The following CPQ variants were observed in gnomAD, a reference collection of about 807,000 sequenced individuals.
The protein encoded by CPQ is Ser-Met dipeptidase.
Under a neutral mutation model 45.7 loss-of-function variants are expected in CPQ, and 37 were observed. That is an observed-to-expected ratio of 0.81 (90% CI 0.62 to 1.07). CPQ has a LOEUF of 1.07. Ranked by LOEUF, CPQ falls within the 50% of genes least tolerant of loss-of-function variation. The probability of loss-of-function intolerance (pLI) is 0.00; values close to 1 mark genes in which losing one functional copy is unlikely to be tolerated. For synonymous variants in CPQ, 186 were observed against 205.8 expected (o/e 0.90, Z 0.82); for missense variants, 537 against 572.9 (o/e 0.94, Z 0.64).
intron 1 of CPQ, among the ~76,000 whole-genome samples, chr8:96,750,492 A>G (rs1810243525): frequency 6.6e-6 from 1 of 151,832 alleles, no homozygotes; most frequent in Non-Finnish European, 1.5e-5. Context: ...TTGGTAGTGT[A>G]GGTTTTATTG....
intron 1 of CPQ, among the ~76,000 whole-genome samples, chr8:96,672,950 A>G (rs1187872109): frequency 6.6e-6 from 1 of 152,140 alleles, no homozygotes; most frequent in Non-Finnish European, 1.5e-5. Flanking sequence ...CCCAAATAGC[A>G]AACATTTTCA....
chr8:96,791,286 T>G (rs1047919055), intron 2 of CPQ, among the ~76,000 whole-genome samples: 3 of 152,200 alleles, frequency 2.0e-5, no homozygotes, highest in Admixed American at 6.6e-5. Flanking sequence ...ATTTATAAGA[T>G]TACTATTTTT....
At chr8:96,675,028 G>A (rs1563698910) in intron 1 of CPQ, among the ~76,000 whole-genome samples, 1 of 151,992 alleles carries the variant, frequency 6.6e-6, no homozygotes, top group Non-Finnish European at 1.5e-5. Context: ...TGGCAGAATA[G>A]ACACTAAGTG....
At chr8:96,707,707 T>C (rs1405881772) in intron 1 of CPQ, among the ~76,000 whole-genome samples, 1 of 152,058 alleles carries the variant, frequency 6.6e-6, no homozygotes, top group Non-Finnish European at 1.5e-5. Flanking sequence ...TTTTTTTGGC[T>C]TAGGACAACA....
chr8:96,715,876 T>C (rs1161982217), intron 1 of CPQ, among the ~76,000 whole-genome samples: 1 of 152,186 alleles, frequency 6.6e-6, no homozygotes, highest in Non-Finnish European at 1.5e-5. Context: ...GCTGTCACAC[T>C]CCAAGCTGGT....
chr8:97,060,592 G>T (rs1810534077), intron 6 of CPQ, among the ~76,000 whole-genome samples: 1 of 152,140 alleles, frequency 6.6e-6, no homozygotes, highest in Admixed American at 6.6e-5. Context: ...TCATTGAGCT[G>T]CTCAGCCTCC....
intron 4 of CPQ, among the ~76,000 whole-genome samples, chr8:96,891,766 G>A (rs548788903): frequency 9.9e-5 from 15 of 152,210 alleles, no homozygotes; most frequent in African/African-American, 3.1e-4. Flanking sequence ...ATAGCTGCAT[G>A]GTAAGATGGG....
At chr8:96,679,755 C>T (rs112939563) in intron 1 of CPQ, among the ~76,000 whole-genome samples, 3,632 of 151,166 alleles carry the variant, frequency 0.024, 156 homozygotes, top group African/African-American at 0.083. Context: ...GTACCAGTTG[C>T]AATGTCTCCT....
intron 7 of CPQ, among the ~76,000 whole-genome samples, chr8:97,077,452 G>C (rs1810868989): frequency 6.6e-6 from 1 of 152,304 alleles, no homozygotes; most frequent in Admixed American, 6.5e-5. Flanking sequence ...CAGTAGTACA[G>C]TATGTACTAC....
intron 2 of CPQ, among the ~76,000 whole-genome samples, chr8:96,808,706 T>C (rs1196392133): frequency 6.6e-6 from 1 of 152,156 alleles, no homozygotes; most frequent in Non-Finnish European, 1.5e-5. Context: ...CTCCAGAAGT[T>C]CTAGGTAGGA....
In CPQ at chr8:96,988,509, T is replaced by G. The variant is rs558174463; in HGVS notation, c.961+22463T>G. 2.0e-5 allele frequency among the ~76,000 whole-genome samples: 3 copies of G among 152,350 alleles called. No homozygotes were observed. The East Asian group carries it at 5.8e-4, about 29-fold the overall frequency. On this transcript the variant is annotated intron_variant, in intron 5 of 7. Coordinates refer to ENST00000220763, the MANE Select transcript of CPQ (RefSeq NM_016134.4). ...TTTCTCTCTCCCTTTGATTTATTGCTTGGAAACCATGAGAAACATCCAAGT... is the reference window on the plus strand; with the variant it reads ...TTTCTCTCTCCCTTTGATTTATTGCGTGGAAACCATGAGAAACATCCAAGT...
chr8:96,986,884 G>C lies in CPQ; in HGVS notation c.961+20838G>C, dbSNP rs922604012. On this transcript the variant is annotated intron_variant, in intron 5 of 7. Coordinates refer to ENST00000220763, the MANE Select transcript of CPQ (RefSeq NM_016134.4). ...AGAAAAAGGCATTAAGTGAGGGATA[G>C]GTATATTAATGAATATACTTAGAGT... Among the ~76,000 whole-genome samples the C allele has an allele frequency of 2.0e-5, 3 of 152,258 alleles. No individual in the cohort carries two copies. The South Asian group carries it at 6.2e-4, about 32-fold the overall frequency.
intron 1 of CPQ, among the ~76,000 whole-genome samples, chr8:96,678,758 C>CTTTTTTTTTTTTTTTTTTTTTTTTT (rs71267274): frequency 8.7e-6 from 1 of 114,878 alleles, no homozygotes; most frequent in Non-Finnish European, 1.7e-5. Context: ...ATTATTTGGG[C>CTTTTTTTTTTTTTTTTTTTTTTTTT]TTTTTTTTTT....
At chr8:96,945,123 T>C (rs1200821758) in intron 4 of CPQ, among the ~76,000 whole-genome samples, 1 of 152,148 alleles carries the variant, frequency 6.6e-6, no homozygotes, top group Non-Finnish European at 1.5e-5. Flanking sequence ...GGGGAACTAA[T>C]GCTTGTTGAG....
chr8:96,815,485 C>T (rs1811215833), intron 2 of CPQ, among the ~76,000 whole-genome samples: 2 of 151,584 alleles, frequency 1.3e-5, no homozygotes, highest in South Asian at 4.2e-4. Flanking sequence ...CTGAGGAAAG[C>T]AGATCACAGT....
intron 2 of CPQ, among the ~76,000 whole-genome samples, chr8:96,813,274 G>A (rs1004796493): frequency 6.6e-6 from 1 of 152,134 alleles, no homozygotes; most frequent in Non-Finnish European, 1.5e-5. Context: ...AGCCAAGGCT[G>A]GGAGGGGTGA....
intron 1 of CPQ, among the ~76,000 whole-genome samples, chr8:96,746,087 G>A (rs1330474347): frequency 2.0e-5 from 3 of 152,166 alleles, no homozygotes; most frequent in Non-Finnish European, 4.4e-5. Context: ...ACTCACTGCA[G>A]TGTTATGTGA....
chr8:96,950,676 A>G (rs1813250322), intron 4 of CPQ, among the ~76,000 whole-genome samples: 1 of 152,158 alleles, frequency 6.6e-6, no homozygotes, highest in South Asian at 2.1e-4. Context: ...AACATACACC[A>G]TAGCAATTGG....
chr8:96,726,740 A>T (rs528393421), intron 1 of CPQ, among the ~76,000 whole-genome samples: 11 of 152,254 alleles, frequency 7.2e-5, no homozygotes, highest in Middle Eastern at 3.4e-3. Context: ...GGGTGTGGAC[A>T]TAGATCCAAA....
Sources: gnomAD v4.1 joint callset for allele counts (sites outside exome capture counted in the v4.1 genomes callset) on GRCh38, gnomAD v4.1.1 for gene constraint, MANE v1.5 for transcripts, NCBI Gene and HGNC (gene_info 2026-07-23, HGNC 2026-07-21) for gene names.